The following ST6GALNAC3 variants were observed in gnomAD, a reference collection of about 807,000 sequenced individuals.
ST6GALNAC3 encodes the protein ST6 N-acetylgalactosaminide alpha-2,6-sialyltransferase 3, also known as alpha-N-acetylgalactosaminide alpha-2,6-sialyltransferase 3.
ST6GALNAC3 carries 25 observed loss-of-function variants against 32.7 expected under a neutral mutation model. The ratio of observed to expected loss-of-function variants is 0.76; its 90% CI spans 0.56 to 1.07. The LOEUF (loss-of-function observed/expected upper bound fraction) is 1.07. Ranked by LOEUF, ST6GALNAC3 falls within the 50% of genes least tolerant of loss-of-function variation. The pLI is 0.00. For missense variants in ST6GALNAC3, 355 were observed against 382.4 expected (o/e 0.93, Z 0.60); for synonymous variants, 129 against 133.1 (o/e 0.97, Z 0.21).
chr1:76,345,929 T>C (rs1389131098), intron 2 of ST6GALNAC3, among the ~76,000 whole-genome samples: 1 of 152,132 alleles, frequency 6.6e-6, no homozygotes, highest in East Asian at 1.9e-4. Flanking sequence ...TTAGATGTCC[T>C]CCTGACTCTC....
At chr1:76,602,461 G>A (rs1303256587) in intron 3 of ST6GALNAC3, among the ~76,000 whole-genome samples, 1 of 151,982 alleles carries the variant, frequency 6.6e-6, no homozygotes, top group Non-Finnish European at 1.5e-5. Context: ...GAGCAGGAAA[G>A]GCAGAAAAGT....
intron 3 of ST6GALNAC3, among the ~76,000 whole-genome samples, chr1:76,585,251 T>C (rs1404926735): frequency 1.3e-5 from 2 of 151,982 alleles, no homozygotes; most frequent in African/African-American, 4.8e-5. Context: ...CCGGGCATGG[T>C]GGCACGCACC....
chr1:76,636,272 C>G (rs1466899360), downstream of ST6GALNAC3, among the ~76,000 whole-genome samples: 1 of 152,146 alleles, frequency 6.6e-6, no homozygotes, highest in African/African-American at 2.4e-5. Context: ...AGTAACGTGA[C>G]TTTTAATGTC....
chr1:76,197,060 C>A (rs1481171508), intron 1 of ST6GALNAC3, among the ~76,000 whole-genome samples: 3 of 152,098 alleles, frequency 2.0e-5, no homozygotes, highest in Non-Finnish European at 2.9e-5. Flanking sequence ...TGGCTGGGTT[C>A]CAAAAACTTG....
chr1:76,337,044 C>T (rs1206660648), intron 2 of ST6GALNAC3, among the ~76,000 whole-genome samples: 1 of 152,216 alleles, frequency 6.6e-6, no homozygotes, highest in Non-Finnish European at 1.5e-5. Flanking sequence ...TCTGCATTTG[C>T]CACTCAGCCC....
At chr1:76,258,719 C>G (rs1296691709) in intron 1 of ST6GALNAC3, among the ~76,000 whole-genome samples, 1 of 152,098 alleles carries the variant, frequency 6.6e-6, no homozygotes, top group African/African-American at 2.4e-5. Flanking sequence ...GACTGCAGCC[C>G]TCAAGGGGTT....
chr1:76,370,476 G>A (rs147623640), intron 2 of ST6GALNAC3, among the ~76,000 whole-genome samples: 50 of 152,000 alleles, frequency 3.3e-4, no homozygotes, highest in African/African-American at 7.2e-4. Flanking sequence ...ACATATCCCC[G>A]GACTAAAACA....
chr1:76,082,586 A>G (rs1461264569), intron 1 of ST6GALNAC3, among the ~76,000 whole-genome samples: 2 of 152,188 alleles, frequency 1.3e-5, no homozygotes, highest in Non-Finnish European at 2.9e-5. Context: ...TCAAAAATTG[A>G]GACTAGGCTC....
chr1:76,566,741 C>T (rs1284469460), intron 3 of ST6GALNAC3, among the ~76,000 whole-genome samples: 1 of 152,182 alleles, frequency 6.6e-6, no homozygotes, highest in Non-Finnish European at 1.5e-5. Flanking sequence ...CTAGCACTTA[C>T]ATTGTGATAA....
intron 1 of ST6GALNAC3, among the ~76,000 whole-genome samples, chr1:76,283,355 T>C (rs56066060): frequency 0.042 from 6,471 of 152,270 alleles, 445 homozygotes; most frequent in African/African-American, 0.15. Context: ...TTTTCTTTTT[T>C]TCTATGTTAT....
intron 1 of ST6GALNAC3, among the ~76,000 whole-genome samples, chr1:76,171,663 C>T (rs772482337): frequency 2.0e-5 from 3 of 151,716 alleles, no homozygotes; most frequent in African/African-American, 4.8e-5. Context: ...ATAAACAACT[C>T]GATGCAAATA....
At chr1:76,247,229 T>C (rs1226432875) in intron 1 of ST6GALNAC3, among the ~76,000 whole-genome samples, 1 of 152,098 alleles carries the variant, frequency 6.6e-6, no homozygotes, top group African/African-American at 2.4e-5. Context: ...CTGTATGAGG[T>C]TTCTATCGAC....
chr1:76,526,936 T>C (rs979912001), intron 3 of ST6GALNAC3, among the ~76,000 whole-genome samples: 2 of 152,102 alleles, frequency 1.3e-5, no homozygotes, highest in African/African-American at 4.8e-5. Flanking sequence ...TTAATCTTAA[T>C]ACTTTCCATA....
chr1:76,329,796 CTTTATTTA>C (rs35038225), intron 2 of ST6GALNAC3, among the ~76,000 whole-genome samples: 8 of 150,230 alleles, frequency 5.3e-5, no homozygotes, highest in African/African-American at 1.7e-4. Flanking sequence ...CTTTCTCTCT[CTTTATTTA>C]TTTATTTATT....
intron 3 of ST6GALNAC3, among the ~76,000 whole-genome samples, chr1:76,587,052 A>G (rs1646972633): frequency 6.6e-6 from 1 of 152,192 alleles, no homozygotes; most frequent in African/African-American, 2.4e-5. Context: ...GCAATGCTTT[A>G]ACACTGAATG....
At chr1:76,421,754 A>G (rs930153365) in intron 3 of ST6GALNAC3, among the ~76,000 whole-genome samples, 1 of 152,064 alleles carries the variant, frequency 6.6e-6, no homozygotes, top group African/African-American at 2.4e-5. Context: ...TCTTTCAACC[A>G]ACTGCATAAA....
chr1:76,104,775 T>TA lies in ST6GALNAC3; in HGVS notation c.18+29892dup, dbSNP rs1416915476. On this transcript the variant is annotated intron_variant, in intron 1 of 4. Coordinates refer to ENST00000328299, the MANE Select transcript of ST6GALNAC3 (RefSeq NM_152996.4). ...ACAAAAGAAAAAGGTTTATTGGACT[T>TA]ACAGTTCCACAGGGCTGGGGAGGCC... 7.2e-5 allele frequency among the ~76,000 whole-genome samples: 11 copies of TA among 152,278 alleles called. No individual in the cohort carries two copies. In the East Asian group the frequency reaches 2.1e-3, roughly 29 times the overall value.
Position 76,628,781 on chromosome 1 carries a change from C to T in ST6GALNAC3, c.893C>T (p.Thr298Ile). 1 of 1,611,604 alleles carries T rather than the reference C, an allele frequency of 6.2e-7. No homozygotes were observed. The highest frequency in any genetic ancestry group is 1.1e-5 in the South Asian group (1 of 90,842). Residue 298 changes from threonine to isoleucine, a missense_variant, in exon 5 of 5, where the codon ACA (threonine) becomes ATA (isoleucine). Thr to Ile is a moderately conservative substitution (Grantham distance 89). Coordinates refer to ENST00000328299, the MANE Select transcript of ST6GALNAC3 (RefSeq NM_152996.4). ...KWAKKHRIIF[T>I]HPNWTLS The stretch of plus-strand genomic sequence containing the variant: ...GCCAAGAAGCACAGGATAATATTTA[C>T]ACATCCAAACTGGACATTGTCTTGA...
At chr1:76,410,422 C>A (rs1654151079) in intron 2 of ST6GALNAC3, among the ~76,000 whole-genome samples, 1 of 151,900 alleles carries the variant, frequency 6.6e-6, no homozygotes, top group Non-Finnish European at 1.5e-5. Context: ...ACTCCACCAA[C>A]TCTCTCTCTC....
Sources: allele counts gnomAD v4.1 joint callset (sites outside exome capture counted in the v4.1 genomes callset), GRCh38; gene constraint gnomAD v4.1.1; transcripts MANE v1.5; gene names NCBI Gene and HGNC (gene_info 2026-07-23, HGNC 2026-07-21).